Variants in ABCA13 observed in about 807,000 individuals in gnomAD.
The protein encoded by ABCA13 is ATP binding cassette subfamily A member 13.
A neutral mutation model predicts 478.7 loss-of-function variants in ABCA13; 476 were observed. That is an observed-to-expected ratio of 0.99 (90% confidence interval 0.92 to 1.07). The LOEUF (loss-of-function observed/expected upper bound fraction) is 1.07. Ranked by LOEUF, ABCA13 falls within the 50% of genes least tolerant of loss-of-function variation. ABCA13 has a pLI of 0.00. For synonymous variants in ABCA13, 2,252 were observed against 2,158.9 expected (o/e 1.04, Z -1.20); for missense variants, 6,060 against 5,910.6 (o/e 1.03, Z -0.83).
chr7:48,352,122 G>A (rs1809104516), intron 30 of ABCA13, 59 bp from the exon 31 acceptor site: 11 of 1,505,836 alleles, frequency 7.3e-6, no homozygotes, highest in Admixed American at 3.7e-5. Flanking sequence ...CAGTGTAGGC[G>A]TGGTTTGAGC....
intron 15 of ABCA13, among the ~76,000 whole-genome samples, chr7:48,254,192 T>G (rs965222325): frequency 6.6e-5 from 10 of 152,152 alleles, no homozygotes; most frequent in Admixed American, 3.9e-4. Context: ...TTCAATAATT[T>G]TATTTTCTGG....
chr7:48,630,188 T>TACCCCTAA, intron 59 of ABCA13, among the ~76,000 whole-genome samples: 1 of 152,078 alleles, frequency 6.6e-6, no homozygotes, highest in South Asian at 2.1e-4. Context: ...GTTTTAGGGG[T>TACCCCTAA]ATAGGTGTGG....
At chr7:48,416,998 T>A (rs1461750921) in intron 41 of ABCA13, among the ~76,000 whole-genome samples, 1 of 152,212 alleles carries the variant, frequency 6.6e-6, no homozygotes, top group Admixed American at 6.5e-5. Context: ...GAACAGTTTT[T>A]ATTTTTCCCA....
chr7:48,461,531 G>A (rs961585534), intron 43 of ABCA13, among the ~76,000 whole-genome samples: 5 of 152,252 alleles, frequency 3.3e-5, no homozygotes, highest in Middle Eastern at 6.8e-3. Flanking sequence ...ACATTGTATG[G>A]GGACAAAGTC....
chr7:48,171,641 G>T, intron 1 of ABCA13, 89 bp downstream of exon 1: 1 of 1,433,700 alleles, frequency 7.0e-7, no homozygotes, highest in Non-Finnish European at 9.5e-7. Context: ...TCTGCCTCCT[G>T]GCAGGTAAAA....
intron 42 of ABCA13, among the ~76,000 whole-genome samples, chr7:48,448,121 A>C (rs1385866499): frequency 1.3e-5 from 2 of 152,322 alleles, no homozygotes; most frequent in South Asian, 4.1e-4. Context: ...GCCTGCCTGC[A>C]TAGAACCTTG....
At chr7:48,215,910 AG>A (rs1346160511) in intron 3 of ABCA13, among the ~76,000 whole-genome samples, 1 of 152,132 alleles carries the variant, frequency 6.6e-6, no homozygotes, top group Non-Finnish European at 1.5e-5. Flanking sequence ...GATGTTTTTA[AG>A]GTTCATTCAT....
intron 21 of ABCA13, 65 bp downstream of exon 21, chr7:48,295,928 T>C: frequency 2.9e-5 from 43 of 1,497,310 alleles, no homozygotes; most frequent in Non-Finnish European, 3.7e-5. Flanking sequence ...TGTCTAGGAC[T>C]CTTTAAAATG....
intron 1 of ABCA13, among the ~76,000 whole-genome samples, chr7:48,175,686 G>A (rs1414798899): frequency 6.6e-6 from 1 of 152,156 alleles, no homozygotes; most frequent in African/African-American, 2.4e-5. Flanking sequence ...CTCCCCAAGT[G>A]GTGGGATTAC....
At chr7:48,506,854 A>C (rs1380475069) in intron 49 of ABCA13, among the ~76,000 whole-genome samples, 1 of 152,108 alleles carries the variant, frequency 6.6e-6, no homozygotes, top group Non-Finnish European at 1.5e-5. Context: ...GTCAGTTCTC[A>C]CTGTCTTTGT....
intron 45 of ABCA13, among the ~76,000 whole-genome samples, chr7:48,477,699 A>G (rs1397652283): frequency 7.5e-6 from 1 of 133,002 alleles, no homozygotes; most frequent in Non-Finnish European, 1.5e-5. Flanking sequence ...ATGAGAACAC[A>G]TGGACACAGG....
At chr7:48,460,374 C>T (rs531573535) in intron 43 of ABCA13, among the ~76,000 whole-genome samples, 2 of 152,286 alleles carry the variant, frequency 1.3e-5, no homozygotes, top group East Asian at 3.9e-4. Context: ...AGGGGAGAAT[C>T]CTTCCTTGTG....
intron 51 of ABCA13, among the ~76,000 whole-genome samples, chr7:48,512,107 A>G (rs904844797): frequency 1.3e-5 from 2 of 151,896 alleles, no homozygotes; most frequent in Non-Finnish European, 2.9e-5. Context: ...GAGAGAGGGA[A>G]AGAGACACTA....
intron 29 of ABCA13, among the ~76,000 whole-genome samples, chr7:48,341,304 A>G (rs982195789): frequency 6.6e-6 from 1 of 151,548 alleles, no homozygotes; most frequent in Non-Finnish European, 1.5e-5. Flanking sequence ...ACCCCCTACC[A>G]TGCTCCACCT....
At chr7:48,504,991 A>G (rs1339842413) in intron 48 of ABCA13, among the ~76,000 whole-genome samples, 1 of 152,184 alleles carries the variant, frequency 6.6e-6, no homozygotes, top group Non-Finnish European at 1.5e-5. Context: ...GATCAAGACC[A>G]CACAATTCAG....
At chr7:48,434,806 A>G (rs1822609603) in intron 42 of ABCA13, among the ~76,000 whole-genome samples, 1 of 151,874 alleles carries the variant, frequency 6.6e-6, no homozygotes, top group Admixed American at 6.6e-5. Context: ...TTGAAAACCA[A>G]TTGACCATAT....
chr7:48,521,869 T>C (rs1291431169), intron 53 of ABCA13, among the ~76,000 whole-genome samples: 1 of 152,206 alleles, frequency 6.6e-6, no homozygotes, highest in African/African-American at 2.4e-5. Flanking sequence ...TACCATTTTA[T>C]GGATAACTGT....
At chr7:48,478,216 A>G (rs1314068163) in intron 45 of ABCA13, among the ~76,000 whole-genome samples, 2 of 148,044 alleles carry the variant, frequency 1.4e-5, no homozygotes, top group Non-Finnish European at 3.0e-5. Context: ...ATATATATAC[A>G]TATATCATTA....
At chr7:48,386,157 C>A (rs1225563023) in intron 35 of ABCA13, among the ~76,000 whole-genome samples, 1 of 152,104 alleles carries the variant, frequency 6.6e-6, no homozygotes, top group Non-Finnish European at 1.5e-5. Context: ...CATACACACA[C>A]AAAATATCTA....
Sources: allele counts gnomAD v4.1 joint callset (sites outside exome capture counted in the v4.1 genomes callset), GRCh38; gene constraint gnomAD v4.1.1; transcripts MANE v1.5; gene names NCBI Gene and HGNC (gene_info 2026-07-23, HGNC 2026-07-21).